Variants in SLC9D1 observed in about 807,000 individuals in gnomAD.
SLC9D1 encodes the protein solute carrier family 9 member D1.
chr13:113,525,888 C>A, the SLC9D1 span, among the ~76,000 whole-genome samples: 1 of 151,410 alleles, frequency 6.6e-6, no homozygotes, highest in South Asian at 2.1e-4. Flanking sequence ...AGCTCTGTGC[C>A]GGTTATTCTA....
At chr13:113,535,048 A>T in the SLC9D1 span, 1 of 152,250 alleles carries the variant, frequency 6.6e-6, no homozygotes, top group African/African-American at 2.4e-5. This position sits in a 1 kb window ranked among gnomAD's most constrained non-coding sequence, Gnocchi z 4.1. Context: ...GTGCCACTGC[A>T]CTCCAGCCTG....
the SLC9D1 span, among the ~76,000 whole-genome samples, chr13:113,542,706 G>A: frequency 6.6e-6 from 1 of 152,254 alleles, no homozygotes; most frequent in African/African-American, 2.4e-5. Context: ...ATCTGGTGTC[G>A]GGCCACATCC....
At chr13:113,501,136 A>G in the SLC9D1 span, among the ~76,000 whole-genome samples, 3 of 152,190 alleles carry the variant, frequency 2.0e-5, no homozygotes, top group Non-Finnish European at 4.4e-5. Flanking sequence ...AGTTTCCCAG[A>G]TTAGAAAACT....
chr13:113,505,588 G>A, the SLC9D1 span: 28,165 of 152,120 alleles, frequency 0.19, 3,447 homozygotes, highest in African/African-American at 0.35. Flanking sequence ...TAACATGACC[G>A]CGGCAATGTA....
chr13:113,549,813 CTT>C, the SLC9D1 span: 690 of 467,658 alleles, frequency 1.5e-3, no homozygotes, highest in South Asian at 3.1e-3. Context: ...CTGGATGTGC[CTT>C]TTTTTTTTTT....
At chr13:113,518,455 T>G in the SLC9D1 span, among the ~76,000 whole-genome samples, 1 of 152,204 alleles carries the variant, frequency 6.6e-6, no homozygotes, top group Non-Finnish European at 1.5e-5. Flanking sequence ...AACAAAATAT[T>G]TAAAACATTT....
the SLC9D1 span, chr13:113,524,092 T>C: frequency 1.1e-5 from 5 of 455,590 alleles, no homozygotes; most frequent in South Asian, 6.2e-5. Flanking sequence ...TATTCTGTTA[T>C]TGTTGAGTGG....
At chr13:113,503,558 C>T in the SLC9D1 span, 1 of 1,613,730 alleles carries the variant, frequency 6.2e-7, no homozygotes, top group Non-Finnish European at 8.5e-7. Context: ...TTCTTGTTGG[C>T]TTAGAATTTT....
At chr13:113,508,608 G>A in the SLC9D1 span, among the ~76,000 whole-genome samples, 1 of 152,148 alleles carries the variant, frequency 6.6e-6, no homozygotes, top group Non-Finnish European at 1.5e-5. Flanking sequence ...CTGAGTCTCC[G>A]CAGCCCAGAG....
the SLC9D1 span, among the ~76,000 whole-genome samples, chr13:113,542,933 G>A: frequency 6.6e-6 from 1 of 152,038 alleles, no homozygotes; most frequent in East Asian, 1.9e-4. Context: ...ATTCAGCAGG[G>A]GCTTCGTGAC....
chr13:113,495,463 A>G, the SLC9D1 span: 1 of 698,176 alleles, frequency 1.4e-6, no homozygotes, highest in East Asian at 2.5e-5. Context: ...ATAGTAATGA[A>G]TCATTGTTTA....
At chr13:113,534,073 G>T in the SLC9D1 span, 1 of 1,608,518 alleles carries the variant, frequency 6.2e-7, no homozygotes, top group Non-Finnish European at 8.5e-7. Context: ...CCGAATCCTG[G>T]TTTTGATTGG....
the SLC9D1 span, chr13:113,539,578 G>A: frequency 3.5e-5 from 51 of 1,472,384 alleles, no homozygotes; most frequent in Middle Eastern, 1.2e-3. The surrounding 1 kb of genome is among the most constrained non-coding windows in gnomAD (Gnocchi z 4.8). Context: ...ATATGTTTAC[G>A]TGCATATATA....
the SLC9D1 span, chr13:113,503,620 A>G: frequency 7.0e-7 from 1 of 1,424,854 alleles, no homozygotes; most frequent in Non-Finnish European, 9.9e-7. Context: ...TACTGCAGCT[A>G]AGGAGCTTCA....
At chr13:113,497,554 T>TCGCTGTGTGAGACCTGC in the SLC9D1 span, among the ~76,000 whole-genome samples, 1 of 126,886 alleles carries the variant, frequency 7.9e-6, no homozygotes, top group Admixed American at 7.8e-5. Flanking sequence ...GCGAGACTTG[T>TCGCTGTGTGAGACCTGC]AGCTGTGTGA....
the SLC9D1 span, among the ~76,000 whole-genome samples, chr13:113,508,466 G>A: frequency 1.3e-5 from 2 of 152,226 alleles, no homozygotes; most frequent in East Asian, 1.9e-4. Flanking sequence ...GGTGTGAGAC[G>A]CGCTCTGTGA....
At chr13:113,494,851 G>A in the SLC9D1 span, among the ~76,000 whole-genome samples, 1 of 151,876 alleles carries the variant, frequency 6.6e-6, no homozygotes, top group Non-Finnish European at 1.5e-5. Context: ...GAAGTTGATG[G>A]TATTTTCTGG....
the SLC9D1 span, among the ~76,000 whole-genome samples, chr13:113,524,484 G>A: frequency 5.9e-5 from 9 of 152,094 alleles, no homozygotes; most frequent in African/African-American, 2.2e-4. Context: ...ACAGGCGTGT[G>A]CCACCACACC....
chr13:113,535,941 G>A, the SLC9D1 span, among the ~76,000 whole-genome samples: 1 of 152,170 alleles, frequency 6.6e-6, no homozygotes, highest in Non-Finnish European at 1.5e-5. The surrounding 1 kb of genome is among the most constrained non-coding windows in gnomAD (Gnocchi z 4.1). Flanking sequence ...GATGGCACTC[G>A]CTGTCTTTGC....
Sources: allele counts gnomAD v4.1 joint callset (sites outside exome capture counted in the v4.1 genomes callset), GRCh38; gene constraint gnomAD v4.1.1; non-coding constraint Gnocchi (gnomAD v3.1); transcripts MANE v1.5; gene names NCBI Gene and HGNC (gene_info 2026-07-23, HGNC 2026-07-21).